RXFP1: variants seen among roughly 807,000 people sequenced by gnomAD.
The protein encoded by RXFP1 is relaxin receptor 1.
Under a neutral mutation model 89.8 loss-of-function variants are expected in RXFP1, and 73 were observed. The ratio of observed to expected loss-of-function variants is 0.81; its 90% confidence interval spans 0.67 to 0.99. The LOEUF (loss-of-function observed/expected upper bound fraction) is 0.99. Among genes scored for constraint, RXFP1 ranks in the 50% least tolerant of loss-of-function variants. The pLI is 0.00. For missense variants in RXFP1, 793 were observed against 895.5 expected (o/e 0.89, Z 1.46); for synonymous variants, 277 against 305.5 (o/e 0.91, Z 0.97).
intron 15 of RXFP1, 82 bp downstream of exon 15, chr4:158,645,220 G>T: frequency 9.8e-7 from 1 of 1,022,078 alleles, no homozygotes; most frequent in Non-Finnish European, 1.5e-6. Context: ...TGTGTGAGTG[G>T]TAGAATTATG....
chr4:158,596,125 C>A (rs527909097), intron 3 of RXFP1, among the ~76,000 whole-genome samples: 42 of 151,798 alleles, frequency 2.8e-4, no homozygotes, highest in African/African-American at 1.0e-3. Flanking sequence ...GAAAAAAAAA[C>A]AGCTAAAAGT....
intron 1 of RXFP1, among the ~76,000 whole-genome samples, chr4:158,563,499 CACACA>C (rs2149952842): frequency 2.0e-3 from 1 of 506 alleles, no homozygotes; most frequent in South Asian, 0.038. Flanking sequence ...ATTCAATGCA[CACACA>C]CACACACACA....
At position 158,615,094 on chromosome 4, in the gene RXFP1, T is replaced by C. The variant is rs1343434492; in HGVS notation, c.681-2037T>C. On this transcript the variant is annotated intron_variant, in intron 8 of 17. Transcript: ENST00000307765. ...AATTCTTGTGGGACTCTTCCTTTCA[T>C]TTGAACACTTAGAAGCCATTGTAAG... Among the ~76,000 whole-genome samples the C allele has an allele frequency of 5.9e-5, 9 of 152,140 alleles. 1 individual carries two copies. Among genetic ancestry groups the C allele is most frequent in the Admixed American group, 5.9e-4 (9 of 15,264 alleles).
At chr4:158,536,831 T>G (rs2149811905) in intron 1 of RXFP1, among the ~76,000 whole-genome samples, 1 of 152,246 alleles carries the variant, frequency 6.6e-6, no homozygotes, top group African/African-American at 2.4e-5. Context: ...ATTTGGAAAC[T>G]CATATTAACT....
intron 2 of RXFP1, among the ~76,000 whole-genome samples, chr4:158,582,682 C>T (rs1032718105): frequency 6.6e-6 from 1 of 152,144 alleles, no homozygotes; most frequent in Non-Finnish European, 1.5e-5. Context: ...CTGTGTCAAG[C>T]CAGAGTGTGC....
rs1012077405 is a variant in RXFP1 at position 158,623,477 on chromosome 4, G to C, written c.756-3343G>C. 4.4e-5 allele frequency among the ~76,000 whole-genome samples: 5 copies of C among 113,276 alleles called. No individual in the cohort carries two copies. The East Asian group carries it at 1.1e-3, about 25-fold the overall frequency. The allele number at this position is 113,276 out of a possible 152,430, so 74.3% of individuals were successfully genotyped here. ...AGATTGTGCCATTGCACTCCAGCCT[G>C]GGCAACAAGAGTGAAACTCCATCTC... On this transcript the variant is annotated intron_variant, in intron 9 of 17. Transcript: ENST00000307765.
intron 2 of RXFP1, among the ~76,000 whole-genome samples, chr4:158,578,207 A>G (rs1756637120): frequency 6.6e-6 from 1 of 152,240 alleles, no homozygotes; most frequent in Middle Eastern, 3.2e-3. Flanking sequence ...GCAATTTTAT[A>G]TCATTCCCAT....
chr4:158,573,810 C>A (rs1755657928), intron 2 of RXFP1, among the ~76,000 whole-genome samples: 1 of 152,172 alleles, frequency 6.6e-6, no homozygotes, highest in South Asian at 2.1e-4. Context: ...TGTGCCTATA[C>A]TCTAAGAATT....
rs374915827 is a variant in RXFP1, at chr4:158,608,088, A to C, written c.536+45A>C. On this transcript the variant is annotated intron_variant, in intron 6 of 17. Transcript: ENST00000307765. ...AATTTGCCCATTCCATGGTAGTCTG[A>C]CAGCCTAGACTATTCCAATCCAGAC... 26 of 1,263,422 alleles carry C rather than the reference A, an allele frequency of 2.1e-5. No individual in the cohort carries two copies. The African/African-American group carries it at 3.4e-4, about 17-fold the overall frequency. The allele number at this position is 1,263,422 out of a possible 1,614,324, so 78.3% of individuals were successfully genotyped here.
At chr4:158,620,150 T>C (rs993338782) in intron 9 of RXFP1, among the ~76,000 whole-genome samples, 4 of 151,976 alleles carry the variant, frequency 2.6e-5, no homozygotes, top group African/African-American at 9.7e-5. Flanking sequence ...AGCAAAAAGA[T>C]GGAAACTACA....
chr4:158,554,810 T>C (rs1750926223), intron 1 of RXFP1, among the ~76,000 whole-genome samples: 1 of 152,140 alleles, frequency 6.6e-6, no homozygotes, highest in Non-Finnish European at 1.5e-5. Flanking sequence ...ATTAAACTCT[T>C]AGTGCTTGAA....
chr4:158,551,885 G>A, intron 1 of RXFP1, among the ~76,000 whole-genome samples: 1 of 150,620 alleles, frequency 6.6e-6, no homozygotes, highest in Admixed American at 6.6e-5. Context: ...AGGCTGCAGT[G>A]AGCCGAGATC....
chr4:158,559,968 A>C (rs1461939074), intron 1 of RXFP1, among the ~76,000 whole-genome samples: 1 of 152,236 alleles, frequency 6.6e-6, no homozygotes, highest in Non-Finnish European at 1.5e-5. Flanking sequence ...TCTTTCCCAA[A>C]GAGTAAAGAC....
At position 158,622,315 on chromosome 4, in the gene RXFP1, A is replaced by T. The variant is rs571426423; in HGVS notation, c.756-4505A>T. ...GACAGAGCAAGACTCCATCTCAAAT[A>T]AAAAAAAAAATTAAAAATAGAACTA... On this transcript the variant is annotated intron_variant, in intron 9 of 17. Transcript: ENST00000307765. Among the ~76,000 whole-genome samples the T allele has an allele frequency of 4.3e-3, 584 of 137,268 alleles. 2 individuals are homozygous for T. The highest frequency in any genetic ancestry group is 5.3e-3 in the Non-Finnish European group (354 of 66,710). 90.1% of individuals were successfully genotyped at this position (137,268 alleles called of 152,430 possible).
At chr4:158,560,744 C>A (rs1229873968) in intron 1 of RXFP1, among the ~76,000 whole-genome samples, 1 of 152,140 alleles carries the variant, frequency 6.6e-6, no homozygotes, top group African/African-American at 2.4e-5. Flanking sequence ...CCATCATGTT[C>A]AAGGCAGAAA....
intron 3 of RXFP1, 35 bp downstream of exon 3, chr4:158,593,534 A>G (rs1457128730): frequency 8.8e-7 from 1 of 1,140,470 alleles, no homozygotes; most frequent in African/African-American, 1.6e-5. Context: ...CTTTTCCATG[A>G]GTTCATAAGA....
At chr4:158,529,299 C>T (rs912390197) in intron 1 of RXFP1, among the ~76,000 whole-genome samples, 2 of 151,378 alleles carry the variant, frequency 1.3e-5, no homozygotes, top group Non-Finnish European at 2.9e-5. Flanking sequence ...TGCTCTGTGG[C>T]CCAGGCTGGA....
intron 11 of RXFP1, among the ~76,000 whole-genome samples, chr4:158,630,777 G>A (rs925329385): frequency 2.6e-5 from 4 of 152,198 alleles, no homozygotes; most frequent in African/African-American, 7.2e-5. Context: ...TTTTCTAAGA[G>A]TCGATGGCTT....
At chr4:158,564,181 A>C (rs905724430) in intron 1 of RXFP1, among the ~76,000 whole-genome samples, 4 of 152,090 alleles carry the variant, frequency 2.6e-5, no homozygotes, top group Non-Finnish European at 5.9e-5. Context: ...ATTCAATGCA[A>C]CTGGTGATCG....
Sources: gnomAD v4.1 joint callset for allele counts (sites outside exome capture counted in the v4.1 genomes callset) on GRCh38, gnomAD v4.1.1 for gene constraint, MANE v1.5 for transcripts, NCBI Gene and HGNC (gene_info 2026-07-23, HGNC 2026-07-21) for gene names.